The following EXT2 variants were observed in gnomAD, a reference collection of about 807,000 sequenced individuals.
EXT2 encodes exostosin-2.
A neutral mutation model predicts 81.6 loss-of-function variants in EXT2; 53 were observed. The ratio of observed to expected loss-of-function variants is 0.65; its 90% CI spans 0.52 to 0.82. The LOEUF is 0.82. Ranked by LOEUF, EXT2 falls within the 40% of genes least tolerant of loss-of-function variation. The pLI is 0.00. For missense variants in EXT2, 774 were observed against 910.2 expected, an observed-to-expected ratio of 0.85 and a Z score of 1.93; for synonymous variants, 320 against 340.0, an observed-to-expected ratio of 0.94 and a Z score of 0.65.
intron 8 of EXT2, among the ~76,000 whole-genome samples, chr11:44,182,200 G>A (rs1033103973): frequency 5.3e-5 from 8 of 151,944 alleles, no homozygotes; most frequent in Non-Finnish European, 1.0e-4. Flanking sequence ...CTCTGAGTCC[G>A]GAATCTCCCT....
chr11:44,185,853 A>G (rs1364081772), intron 8 of EXT2, among the ~76,000 whole-genome samples: 3 of 152,186 alleles, frequency 2.0e-5, no homozygotes, highest in Non-Finnish European at 4.4e-5. Flanking sequence ...ACCAACAATC[A>G]TTTTTATGCC....
chr11:44,177,730 T>C (rs568841752), intron 8 of EXT2, among the ~76,000 whole-genome samples: 1 of 152,056 alleles, frequency 6.6e-6, no homozygotes, highest in East Asian at 1.9e-4. Context: ...TGGTTTTTTT[T>C]CCAAGTTTGC....
chr11:44,137,155 T>G (rs1238992306), intron 7 of EXT2, among the ~76,000 whole-genome samples: 1 of 152,156 alleles, frequency 6.6e-6, no homozygotes, highest in Non-Finnish European at 1.5e-5. Flanking sequence ...TTTTTCAACT[T>G]TGTTATTAAG....
At chr11:44,138,830 A>G (rs1446768197) in intron 7 of EXT2, among the ~76,000 whole-genome samples, 1 of 152,170 alleles carries the variant, frequency 6.6e-6, no homozygotes, top group Non-Finnish European at 1.5e-5. Flanking sequence ...TAATAATAGT[A>G]TGGAGTAGTT....
At chr11:44,114,657 C>T (rs185519260) in intron 4 of EXT2, among the ~76,000 whole-genome samples, 1 of 152,252 alleles carries the variant, frequency 6.6e-6, no homozygotes, top group East Asian at 1.9e-4. Context: ...TACCCTAGAC[C>T]AGGTTACTGT....
intron 5 of EXT2, among the ~76,000 whole-genome samples, chr11:44,126,367 C>CT (rs1163611354): frequency 6.6e-6 from 1 of 152,138 alleles, no homozygotes; most frequent in African/African-American, 2.4e-5. Context: ...GATACCTTCC[C>CT]TTTAGGGGGT....
chr11:44,191,910 C>T (rs895711179), intron 8 of EXT2, among the ~76,000 whole-genome samples: 4 of 152,188 alleles, frequency 2.6e-5, no homozygotes, highest in African/African-American at 9.7e-5. Context: ...TGTAGATCAG[C>T]ATTTCCTATT....
intron 1 of EXT2, among the ~76,000 whole-genome samples, chr11:44,096,707 G>C (rs545364421): frequency 6.6e-6 from 1 of 152,340 alleles, no homozygotes; most frequent in Non-Finnish European, 1.5e-5. Context: ...GTTACATTCG[G>C]TGGGAACCAG....
At chr11:44,124,740 C>T in intron 4 of EXT2, 49 bp from the exon 5 acceptor site, 1 of 1,560,480 alleles carries the variant, frequency 6.4e-7, no homozygotes, top group Non-Finnish European at 8.8e-7. Flanking sequence ...CTTACCTTGA[C>T]TAACATACCA....
chr11:44,205,256 G>T (rs1345450451), intron 9 of EXT2, among the ~76,000 whole-genome samples: 1 of 152,202 alleles, frequency 6.6e-6, no homozygotes, highest in Non-Finnish European at 1.5e-5. Flanking sequence ...GCTTAACAAA[G>T]TTCCCTTTCT....
chr11:44,197,782 A>G (rs781289664), intron 8 of EXT2, 47 bp from the exon 9 acceptor site: 1 of 1,602,882 alleles, frequency 6.2e-7, no homozygotes, highest in Non-Finnish European at 8.5e-7. Context: ...GGTCAGCCAT[A>G]TTGTTACAGC....
intron 7 of EXT2, among the ~76,000 whole-genome samples, chr11:44,156,109 TTTATATG>T (rs1954852244): frequency 6.6e-6 from 1 of 152,198 alleles, no homozygotes; most frequent in Non-Finnish European, 1.5e-5. Context: ...TTTGAGCTCC[TTTATATG>T]TTATTTGTTT....
chr11:44,219,936 C>G (rs2135235249), intron 10 of EXT2, among the ~76,000 whole-genome samples: 1 of 152,344 alleles, frequency 6.6e-6, no homozygotes, highest in African/African-American at 2.4e-5. Flanking sequence ...ATTTTCATTC[C>G]TTGACCTCTT....
chr11:44,131,110 C>T (rs947256662), intron 7 of EXT2, among the ~76,000 whole-genome samples: 4 of 152,220 alleles, frequency 2.6e-5, no homozygotes, highest in Admixed American at 6.5e-5. Context: ...TGCAGTGTGA[C>T]TCAGGTTTTT....
chr11:44,123,010 CTTAG>C (rs1244304968), intron 4 of EXT2, among the ~76,000 whole-genome samples: 3 of 152,140 alleles, frequency 2.0e-5, no homozygotes, highest in Non-Finnish European at 2.9e-5. Context: ...GCCTTTTGCT[CTTAG>C]TTAGGCCAAA....
At chr11:44,238,119 A>C (rs1955991788) in intron 13 of EXT2, among the ~76,000 whole-genome samples, 1 of 152,076 alleles carries the variant, frequency 6.6e-6, no homozygotes, top group South Asian at 2.1e-4. Context: ...GGGAGATTTA[A>C]TTTAGATATA....
chr11:44,098,682 G>T (rs551386657), intron 1 of EXT2, among the ~76,000 whole-genome samples: 14 of 138,690 alleles, frequency 1.0e-4, no homozygotes, highest in Non-Finnish European at 1.8e-4. Context: ...GCAACAGAGA[G>T]AGATTCTGTC....
At chr11:44,103,725 T>C in intron 1 of EXT2, 1 of 401,496 alleles carries the variant, frequency 2.5e-6, no homozygotes, top group Non-Finnish European at 4.9e-6. Flanking sequence ...AGAGTTGCTG[T>C]TTCTCCTTGA....
chr11:44,225,332 G>A (rs1955826755), intron 10 of EXT2, among the ~76,000 whole-genome samples: 2 of 152,290 alleles, frequency 1.3e-5, no homozygotes, highest in African/African-American at 4.8e-5. Flanking sequence ...TGTCAGATGT[G>A]GAGTCTCACT....
Sources: allele counts gnomAD v4.1 joint callset (sites outside exome capture counted in the v4.1 genomes callset), GRCh38; gene constraint gnomAD v4.1.1; transcripts MANE v1.5; gene names NCBI Gene and HGNC (gene_info 2026-07-23, HGNC 2026-07-21).